Variants in ZNF385D observed in about 807,000 individuals in gnomAD.
ZNF385D encodes the protein zinc finger protein 659.
A neutral mutation model predicts 35.8 loss-of-function variants in ZNF385D; 15 were observed. That is an observed-to-expected ratio of 0.42 (90% CI 0.28 to 0.64). The LOEUF is 0.64. Among genes scored for constraint, ZNF385D ranks in the 30% least tolerant of loss-of-function variants. The pLI is 0.23. For missense variants in ZNF385D, 474 were observed against 494.6 expected (o/e 0.96, Z 0.39); for synonymous variants, 212 against 186.8 (o/e 1.13, Z -1.10).
intron 4 of ZNF385D, among the ~76,000 whole-genome samples, chr3:21,438,449 T>C (rs1701685459): frequency 6.6e-6 from 1 of 151,964 alleles, no homozygotes; most frequent in Non-Finnish European, 1.5e-5. Context: ...TACTTCTTGT[T>C]AGTTCATTAC....
intron 3 of ZNF385D, among the ~76,000 whole-genome samples, chr3:22,023,822 C>A (rs1559857402): frequency 6.6e-6 from 1 of 151,874 alleles, no homozygotes; most frequent in Non-Finnish European, 1.5e-5. Flanking sequence ...GGAAGAGTGC[C>A]CTGTACCTGG....
chr3:21,751,089 T>C lies in ZNF385D; in HGVS notation c.-173A>G, dbSNP rs150791283. The C allele has an allele frequency of 7.4e-6, 11 of 1,494,404 alleles. No individual in the cohort carries two copies. In the African/African-American group the frequency reaches 1.4e-4, roughly 19 times the overall value. 92.6% of individuals were successfully genotyped at this position (1,494,404 alleles called of 1,614,324 possible). Reference sequence around the variant, plus strand: ...CGGGATGAGCGCCTTGCAGGCTGCCTTTCCAGGGCTAAGATCCCCGGCGGC... The same window carrying C: ...CGGGATGAGCGCCTTGCAGGCTGCCCTTCCAGGGCTAAGATCCCCGGCGGC... On this transcript the variant is annotated 5_prime_UTR_variant, in exon 1 of 8. Transcript: ENST00000281523.
At position 21,551,737 on chromosome 3, in the gene ZNF385D, G is replaced by A. The variant is rs113271016; in HGVS notation, c.276+12837C>T. Among the ~76,000 whole-genome samples, 641 of 152,094 alleles carry A rather than the reference G, an allele frequency of 4.2e-3. 6 individuals are homozygous for A. The highest frequency in any genetic ancestry group is 0.014 in the African/African-American group (596 of 41,482). On this transcript the variant is annotated intron_variant, in intron 3 of 7. Coordinates refer to ENST00000281523, the MANE Select transcript of ZNF385D (RefSeq NM_024697.3). ...AACCCCATGTATGTTTCATATGAAT[G>A]TCAGGAGATTTGTCAGGAAAAAACC... is the stretch of plus-strand genomic sequence containing the variant.
rs149054693 is a variant in ZNF385D, at chr3:22,101,568, G to C, written c.325+67249C>G. ...CCCACACTGAACCATTTCTCTATAA[G>C]TTCTATTTATACTGTGCTAAGACTT... On this transcript the variant is annotated intron_variant, in intron 3 of 5. Transcript: ENST00000494108. Among the ~76,000 whole-genome samples the C allele has an allele frequency of 4.3e-3, 650 of 152,092 alleles. 4 individuals are homozygous for C. Among genetic ancestry groups the C allele is most frequent in the Middle Eastern group, 0.01 (3 of 294 alleles).
intron 2 of ZNF385D, among the ~76,000 whole-genome samples, chr3:22,250,088 A>T (rs1699987423): frequency 6.6e-6 from 1 of 152,116 alleles, no homozygotes; most frequent in Admixed American, 6.6e-5. Context: ...TTTACTCATA[A>T]ATTTGTAATT....
chr3:21,646,208 T>G lies in ZNF385D; in HGVS notation c.165+18678A>C, dbSNP rs1460541459. ...ATTTTTAGGGTGTCAAAACCGGCCA[T>G]GTAAGTATATGCAATCATGGTTTTG... On this transcript the variant is annotated intron_variant, in intron 2 of 7. Transcript: ENST00000281523. This position sits in a 1 kb window ranked among gnomAD's most constrained non-coding sequence, Gnocchi z 4.3. Among the ~76,000 whole-genome samples, 1 of 152,188 alleles carries G rather than the reference T, an allele frequency of 6.6e-6. No individual in the cohort carries two copies. The highest frequency in any genetic ancestry group is 1.5e-5 in the Non-Finnish European group (1 of 68,026).
intron 2 of ZNF385D, among the ~76,000 whole-genome samples, chr3:22,362,411 C>T (rs1041895416): frequency 1.3e-5 from 2 of 152,054 alleles, no homozygotes; most frequent in Non-Finnish European, 1.5e-5. Flanking sequence ...TCCGTAGGAA[C>T]TGAAAAACTG....
chr3:22,226,850 ATGT>A, intron 2 of ZNF385D, among the ~76,000 whole-genome samples: 1 of 152,270 alleles, frequency 6.6e-6, no homozygotes, highest in East Asian at 1.9e-4. Flanking sequence ...TTCCTACCTA[ATGT>A]TGTAATCCTG....
At chr3:21,451,274 A>AT (rs1702444021) in intron 4 of ZNF385D, among the ~76,000 whole-genome samples, 1 of 152,108 alleles carries the variant, frequency 6.6e-6, no homozygotes, top group Non-Finnish European at 1.5e-5. Context: ...TGAGACGCTA[A>AT]TAAAAAAAGT....
chr3:22,015,087 C>A (rs1196206061), intron 3 of ZNF385D, among the ~76,000 whole-genome samples: 1 of 151,920 alleles, frequency 6.6e-6, no homozygotes, highest in African/African-American at 2.4e-5. Context: ...TAGGATGGGA[C>A]TCCCACATTT....
At chr3:22,206,665 C>T (rs748804804) in intron 2 of ZNF385D, among the ~76,000 whole-genome samples, 3 of 151,704 alleles carry the variant, frequency 2.0e-5, no homozygotes, top group African/African-American at 7.3e-5. Context: ...AAACAATATG[C>T]TCTGAGTGAC....
chr3:21,797,847 T>G (rs1355488408), intron 3 of ZNF385D, among the ~76,000 whole-genome samples: 5 of 151,442 alleles, frequency 3.3e-5, no homozygotes, highest in South Asian at 2.1e-4. Context: ...AATTTGGGGG[T>G]AGGAGTGGGG....
At chr3:22,218,083 T>C (rs1308905035) in intron 2 of ZNF385D, among the ~76,000 whole-genome samples, 3 of 152,142 alleles carry the variant, frequency 2.0e-5, no homozygotes, top group Admixed American at 2.0e-4. Flanking sequence ...TTATCTTGGT[T>C]ATTTTAAACT....
intron 1 of ZNF385D, among the ~76,000 whole-genome samples, chr3:21,747,020 A>G (rs1331729676): frequency 3.3e-5 from 5 of 149,386 alleles, no homozygotes; most frequent in Admixed American, 6.8e-5. Context: ...TCTGTCCTAG[A>G]ATTTTCCTAC....
intron 3 of ZNF385D, among the ~76,000 whole-genome samples, chr3:21,973,995 C>G (rs1173351051): frequency 6.6e-6 from 1 of 151,910 alleles, no homozygotes; most frequent in African/African-American, 2.4e-5. Context: ...GTATATATTG[C>G]TCAAAGCAAT....
intron 3 of ZNF385D, among the ~76,000 whole-genome samples, chr3:22,011,743 T>C (rs1264671299): frequency 2.6e-5 from 4 of 152,124 alleles, no homozygotes; most frequent in African/African-American, 9.6e-5. Flanking sequence ...AAATTATTAT[T>C]ATCCCATTTA....
At chr3:21,758,344 G>T (rs4355302) in intron 3 of ZNF385D, among the ~76,000 whole-genome samples, 1 of 151,962 alleles carries the variant, frequency 6.6e-6, no homozygotes, top group South Asian at 2.1e-4. Flanking sequence ...ATTGGAACAT[G>T]CCATTAACAT....
intron 3 of ZNF385D, among the ~76,000 whole-genome samples, chr3:22,002,545 TGAAGA>T (rs1368543136): frequency 6.6e-6 from 1 of 152,130 alleles, no homozygotes; most frequent in Non-Finnish European, 1.5e-5. Flanking sequence ...TTCCAAAAAT[TGAAGA>T]GAAGGGAATT....
chr3:21,581,943 A>G (rs1321122925), intron 2 of ZNF385D, among the ~76,000 whole-genome samples: 3 of 152,148 alleles, frequency 2.0e-5, no homozygotes, highest in Admixed American at 6.5e-5. Context: ...TAGTAATAGA[A>G]TCACCTTTCT....
Sources: allele counts gnomAD v4.1 joint callset (sites outside exome capture counted in the v4.1 genomes callset), GRCh38; gene constraint gnomAD v4.1.1; non-coding constraint Gnocchi (gnomAD v3.1); transcripts MANE v1.5; gene names NCBI Gene and HGNC (gene_info 2026-07-23, HGNC 2026-07-21).